The following LOC128125817 variants were observed in gnomAD, a reference collection of about 807,000 sequenced individuals.
the LOC128125817 span, among the ~76,000 whole-genome samples, chr1:41,612,837 T>C: frequency 6.6e-6 from 1 of 152,224 alleles, no homozygotes; most frequent in Non-Finnish European, 1.5e-5. Context: ...CCCTTCATCT[T>C]TGCATGGAAG....
the LOC128125817 span, among the ~76,000 whole-genome samples, chr1:41,624,082 G>A: frequency 2.0e-5 from 3 of 152,254 alleles, no homozygotes; most frequent in East Asian, 5.8e-4. Context: ...AGCTCACATG[G>A]CCTCCCTGGG....
chr1:41,605,653 A>C, the LOC128125817 span, among the ~76,000 whole-genome samples: 2 of 152,118 alleles, frequency 1.3e-5, no homozygotes, highest in Non-Finnish European at 2.9e-5. Context: ...GGGACGGCTC[A>C]CCAGCGTAGG....
the LOC128125817 span, among the ~76,000 whole-genome samples, chr1:41,614,608 T>C: frequency 2.6e-5 from 4 of 152,320 alleles, no homozygotes; most frequent in East Asian, 7.7e-4. Flanking sequence ...ACTTGATTTA[T>C]TCCACAGTAG....
At chr1:41,589,409 G>A in the LOC128125817 span, among the ~76,000 whole-genome samples, 87 of 152,236 alleles carry the variant, frequency 5.7e-4, no homozygotes, top group Non-Finnish European at 9.1e-4. Context: ...GAAGGAGATC[G>A]GGACTTGCTG....
At chr1:41,628,505 C>T in the LOC128125817 span, among the ~76,000 whole-genome samples, 20 of 152,182 alleles carry the variant, frequency 1.3e-4, no homozygotes, top group African/African-American at 4.1e-4. Context: ...TGGGAGGGGG[C>T]GGACTGCATT....
the LOC128125817 span, among the ~76,000 whole-genome samples, chr1:41,617,570 G>A: frequency 2.0e-5 from 3 of 152,230 alleles, no homozygotes; most frequent in African/African-American, 4.8e-5. Flanking sequence ...GTGCGGCACC[G>A]CCTGGGGTGA....
chr1:41,611,813 A>T, the LOC128125817 span, among the ~76,000 whole-genome samples: 4 of 152,152 alleles, frequency 2.6e-5, no homozygotes, highest in African/African-American at 9.7e-5. Context: ...TATTCACTAG[A>T]GTTGGGTTTC....
At chr1:41,586,110 C>T in the LOC128125817 span, among the ~76,000 whole-genome samples, 4 of 152,236 alleles carry the variant, frequency 2.6e-5, no homozygotes, top group African/African-American at 9.6e-5. Flanking sequence ...TCTGGCTTTG[C>T]AGCCTTTCCT....
chr1:41,592,195 A>G, the LOC128125817 span, among the ~76,000 whole-genome samples: 30 of 152,266 alleles, frequency 2.0e-4, no homozygotes, highest in African/African-American at 7.2e-4. Flanking sequence ...AGGGCAGATC[A>G]GGAGGCCTGG....
At chr1:41,590,707 G>A in the LOC128125817 span, among the ~76,000 whole-genome samples, 1 of 152,206 alleles carries the variant, frequency 6.6e-6, no homozygotes, top group African/African-American at 2.4e-5. Context: ...AGGCTGAAAA[G>A]GGTTTGCCAG....
At chr1:41,606,575 A>G in the LOC128125817 span, among the ~76,000 whole-genome samples, 1 of 151,964 alleles carries the variant, frequency 6.6e-6, no homozygotes, top group Non-Finnish European at 1.5e-5. Context: ...ACAAGAAGAA[A>G]AATGGATAGC....
the LOC128125817 span, among the ~76,000 whole-genome samples, chr1:41,609,062 TAA>T: frequency 2.1e-5 from 3 of 142,118 alleles, 1 homozygote; most frequent in Middle Eastern, 7.2e-3. Context: ...TCCGTCTCAA[TAA>T]AAAAAAAAAA....
At chr1:41,614,929 A>G in the LOC128125817 span, among the ~76,000 whole-genome samples, 1 of 152,200 alleles carries the variant, frequency 6.6e-6, no homozygotes, top group Admixed American at 6.5e-5. Flanking sequence ...CCCTCCATGA[A>G]GTCATCCTCC....
the LOC128125817 span, among the ~76,000 whole-genome samples, chr1:41,625,751 A>T: frequency 6.6e-6 from 1 of 152,190 alleles, no homozygotes; most frequent in African/African-American, 2.4e-5. Flanking sequence ...ATAAATAAAT[A>T]AAGTCTTTTG....
chr1:41,628,268 C>T, the LOC128125817 span, among the ~76,000 whole-genome samples: 1,758 of 152,312 alleles, frequency 0.012, 42 homozygotes, highest in African/African-American at 0.041. Flanking sequence ...GGACTGAAGA[C>T]CTGCTGCTAT....
chr1:41,612,762 G>A, the LOC128125817 span, among the ~76,000 whole-genome samples: 1 of 152,104 alleles, frequency 6.6e-6, no homozygotes, highest in Non-Finnish European at 1.5e-5. Context: ...AATTCATCAG[G>A]GCCTAGAATC....
the LOC128125817 span, among the ~76,000 whole-genome samples, chr1:41,625,277 T>A: frequency 2.1e-5 from 3 of 142,364 alleles, no homozygotes; most frequent in East Asian, 2.2e-4. Flanking sequence ...AAGCAAGCAA[T>A]ACAATGATGA....
At chr1:41,627,228 A>G in the LOC128125817 span, among the ~76,000 whole-genome samples, 1 of 152,214 alleles carries the variant, frequency 6.6e-6, no homozygotes, top group Non-Finnish European at 1.5e-5. Context: ...GTGGCTGGCA[A>G]CATTCTAGGG....
At chr1:41,610,581 C>G in the LOC128125817 span, among the ~76,000 whole-genome samples, 1 of 152,210 alleles carries the variant, frequency 6.6e-6, no homozygotes, top group South Asian at 2.1e-4. Flanking sequence ...GCTAACAGCA[C>G]TGCTCCTGAA....
Sources: gnomAD v4.1 joint callset for allele counts (sites outside exome capture counted in the v4.1 genomes callset) on GRCh38, gnomAD v4.1.1 for gene constraint, MANE v1.5 for transcripts.